Variants in LTBP1 observed in about 807,000 individuals in gnomAD.
The protein encoded by LTBP1 is latent transforming growth factor beta binding protein 1.
Under a neutral mutation model 207.6 loss-of-function variants are expected in LTBP1, and 129 were observed. The ratio of observed to expected loss-of-function variants is 0.62; its 90% CI spans 0.54 to 0.72. The LOEUF (loss-of-function observed/expected upper bound fraction) is 0.72. Among genes scored for constraint, LTBP1 ranks in the 30% least tolerant of loss-of-function variants. The pLI, the probability that LTBP1 is intolerant of heterozygous loss-of-function variation, is 0.00. For missense variants in LTBP1, 2,281 were observed against 2,217.2 expected (o/e 1.03, Z -0.58); for synonymous variants, 963 against 833.7 (o/e 1.16, Z -2.67).
At chr2:33,128,328 A>G (rs2081566919) in intron 4 of LTBP1, among the ~76,000 whole-genome samples, 1 of 152,222 alleles carries the variant, frequency 6.6e-6, no homozygotes, top group African/African-American at 2.4e-5. Flanking sequence ...TATGTAACCC[A>G]CTGTGGTTAT....
chr2:33,137,986 G>C (rs1333848937), intron 5 of LTBP1, among the ~76,000 whole-genome samples: 2 of 152,198 alleles, frequency 1.3e-5, no homozygotes, highest in African/African-American at 4.8e-5. Context: ...GCAACTGAGA[G>C]TCCAGCATAC....
chr2:33,397,372 A>G (rs2095368321), intron 33 of LTBP1, 90 bp downstream of exon 33: 3 of 1,485,856 alleles, frequency 2.0e-6, no homozygotes, highest in African/African-American at 1.4e-5. Context: ...AGATTTGCTG[A>G]GTTTCAGTTT....
At chr2:33,015,471 C>G (rs1049138593) in intron 2 of LTBP1, among the ~76,000 whole-genome samples, 1 of 152,174 alleles carries the variant, frequency 6.6e-6, no homozygotes, top group African/African-American at 2.4e-5. Flanking sequence ...GTTTAGGCTC[C>G]TATCCCAGGC....
intron 5 of LTBP1, among the ~76,000 whole-genome samples, chr2:33,140,412 G>A (rs898343671): frequency 1.3e-5 from 2 of 152,136 alleles, no homozygotes; most frequent in African/African-American, 2.4e-5. Context: ...ATGCCATCGT[G>A]TCTCCCTTTC....
chr2:33,028,438 G>A (rs1056468310), intron 3 of LTBP1, among the ~76,000 whole-genome samples: 6 of 152,160 alleles, frequency 3.9e-5, no homozygotes, highest in African/African-American at 1.4e-4. Flanking sequence ...GGGAGGCTGA[G>A]GTGGGCAGAT....
At chr2:33,168,287 G>C (rs1203014493) in intron 5 of LTBP1, among the ~76,000 whole-genome samples, 1 of 151,806 alleles carries the variant, frequency 6.6e-6, no homozygotes, top group African/African-American at 2.4e-5. Flanking sequence ...GGAGGCTGAG[G>C]CAGGAGGATC....
intron 5 of LTBP1, among the ~76,000 whole-genome samples, chr2:33,182,878 A>T (rs920977490): frequency 1.3e-5 from 2 of 151,602 alleles, no homozygotes; most frequent in Non-Finnish European, 2.9e-5. Context: ...TTGCCAAAGC[A>T]TTAAAAATGT....
chr2:33,258,717 T>C (rs1386250985), intron 12 of LTBP1, among the ~76,000 whole-genome samples: 2 of 152,192 alleles, frequency 1.3e-5, no homozygotes, highest in South Asian at 2.1e-4. Context: ...TAGAAGGTTA[T>C]TGACTTTCTC....
At chr2:33,060,191 C>CTG (rs2077195853) in intron 3 of LTBP1, among the ~76,000 whole-genome samples, 1 of 151,624 alleles carries the variant, frequency 6.6e-6, no homozygotes, top group Non-Finnish European at 1.5e-5. Context: ...TTAGCTTACT[C>CTG]TGTTGCAGGC....
At chr2:33,269,593 C>G (rs1302499168) in intron 15 of LTBP1, among the ~76,000 whole-genome samples, 1 of 152,160 alleles carries the variant, frequency 6.6e-6, no homozygotes, top group Non-Finnish European at 1.5e-5. Flanking sequence ...TGAGTGCTGT[C>G]TATGTGAGGC....
chr2:32,968,435 C>A (rs999084351), intron 2 of LTBP1, among the ~76,000 whole-genome samples: 5 of 152,184 alleles, frequency 3.3e-5, no homozygotes, highest in African/African-American at 1.2e-4. Flanking sequence ...ACTAACATAG[C>A]TATTTCTGCT....
At chr2:33,364,190 T>C in intron 29 of LTBP1, 26 bp from the exon 30 acceptor site, 7 of 1,610,460 alleles carry the variant, frequency 4.3e-6, no homozygotes, top group Non-Finnish European at 5.1e-6. Context: ...TGATTTTCTT[T>C]AGTAATACTT....
rs200305648 is a variant in LTBP1, at chr2:33,363,543, G to A, written c.4399+25G>A. On this transcript the variant is annotated intron_variant, in intron 29 of 33. Transcript: ENST00000404816. ...GGTAAGCTTTAGGGGGATATAGTAT[G>A]GTGTACTGTGAAAATATACAGATGG... 6.2e-4 allele frequency: 983 copies of A among 1,596,176 alleles called. 1 individual carries two copies. Among genetic ancestry groups the A allele is most frequent in the Admixed American group, 2.0e-3 (117 of 57,984 alleles).
chr2:33,154,891 C>T (rs1325231265), intron 5 of LTBP1, among the ~76,000 whole-genome samples: 3 of 151,986 alleles, frequency 2.0e-5, no homozygotes, highest in Non-Finnish European at 4.4e-5. Flanking sequence ...AGTGAAACCC[C>T]ATCTCTACTA....
chr2:33,310,896 T>A (rs2094176153), intron 23 of LTBP1, among the ~76,000 whole-genome samples: 1 of 152,340 alleles, frequency 6.6e-6, no homozygotes, highest in Non-Finnish European at 1.5e-5. Context: ...CTGTTTATTT[T>A]TGATACCCAA....
At position 32,947,838 on chromosome 2, in the gene LTBP1, C is replaced by A; in HGVS notation, c.494+20C>A. 1 of 1,273,932 alleles carries A rather than the reference C, an allele frequency of 7.8e-7. No homozygotes were observed. Among genetic ancestry groups the A allele is most frequent in the East Asian group, 3.2e-5 (1 of 31,330 alleles). 78.9% of individuals were successfully genotyped at this position (1,273,932 alleles called of 1,614,324 possible). ...GCAGGGGTAAGCCCACACCCCCTTC[C>A]GCCCGCCCGCCCGCCTCGCGCGCAC... On this transcript the variant is annotated intron_variant, in intron 1 of 33. Transcript: ENST00000404816.
intron 4 of LTBP1, among the ~76,000 whole-genome samples, chr2:33,125,767 T>G (rs1206389053): frequency 6.6e-6 from 1 of 150,872 alleles, no homozygotes; most frequent in African/African-American, 2.4e-5. Context: ...GAGGTGGAGG[T>G]TGCAGTGAGC....
intron 17 of LTBP1, among the ~76,000 whole-genome samples, chr2:33,275,499 A>C (rs564416136): frequency 6.6e-6 from 1 of 152,232 alleles, no homozygotes; most frequent in African/African-American, 2.4e-5. Context: ...AGCCTGACCA[A>C]CTTGGAGAAA....
At chr2:33,101,150 T>C (rs2079709557) in intron 3 of LTBP1, among the ~76,000 whole-genome samples, 2 of 152,188 alleles carry the variant, frequency 1.3e-5, no homozygotes, top group African/African-American at 4.8e-5. Flanking sequence ...TCCTTGACTC[T>C]TACAAACTCA....
Sources: allele counts gnomAD v4.1 joint callset (sites outside exome capture counted in the v4.1 genomes callset), GRCh38; gene constraint gnomAD v4.1.1; transcripts MANE v1.5; gene names NCBI Gene and HGNC (gene_info 2026-07-23, HGNC 2026-07-21).